The following NKAIN2 variants were observed in gnomAD, a reference collection of about 807,000 sequenced individuals.
NKAIN2 encodes sodium/potassium transporting ATPase interacting 2, also known as sodium/potassium-transporting ATPase subunit beta-1-interacting protein 2.
NKAIN2 carries 14 observed loss-of-function variants against 32.6 expected under a neutral mutation model. That is an observed-to-expected ratio of 0.43 (90% CI 0.28 to 0.67). NKAIN2 has a LOEUF of 0.67. NKAIN2 is among the 30% of genes least tolerant of loss of function. The pLI is 0.17. For synonymous variants in NKAIN2, 80 were observed against 87.2 expected, an observed-to-expected ratio of 0.92 and a Z score of 0.46; for missense variants, 198 against 258.3, an observed-to-expected ratio of 0.77 and a Z score of 1.60.
intron 2 of NKAIN2, among the ~76,000 whole-genome samples, chr6:124,289,227 C>G (rs1795693243): frequency 6.6e-6 from 1 of 152,198 alleles, no homozygotes; most frequent in South Asian, 2.1e-4. Flanking sequence ...CACTGAACTT[C>G]TGTTCACCAA....
chr6:124,371,766 G>T (rs558118551), intron 3 of NKAIN2, among the ~76,000 whole-genome samples: 1 of 150,532 alleles, frequency 6.6e-6, no homozygotes, highest in Non-Finnish European at 1.5e-5. Context: ...TTGTGTTAGA[G>T]TTTTCTTTTA....
intron 4 of NKAIN2, among the ~76,000 whole-genome samples, chr6:124,759,098 C>T (rs180776666): frequency 6.6e-6 from 1 of 152,212 alleles, no homozygotes; most frequent in African/African-American, 2.4e-5. Flanking sequence ...ATTGGGCATG[C>T]CCCTAGCATT....
At chr6:124,074,189 A>G (rs1347244747) in intron 1 of NKAIN2, among the ~76,000 whole-genome samples, 1 of 152,188 alleles carries the variant, frequency 6.6e-6, no homozygotes, top group Non-Finnish European at 1.5e-5. Context: ...GTTGCCCACC[A>G]GGAAAGCTCA....
chr6:124,484,731 G>A (rs879937550), intron 3 of NKAIN2, among the ~76,000 whole-genome samples: 1 of 152,040 alleles, frequency 6.6e-6, no homozygotes, highest in Admixed American at 6.6e-5. Flanking sequence ...TTTTTCATAG[G>A]CAAGAGAATA....
At chr6:124,821,299 A>G (rs919927564) in intron 6 of NKAIN2, among the ~76,000 whole-genome samples, 5 of 151,910 alleles carry the variant, frequency 3.3e-5, no homozygotes, top group Non-Finnish European at 5.9e-5. Flanking sequence ...TGTCTCAAAA[A>G]AAAAAAAAAA....
At chr6:123,942,598 A>C (rs73773020) in intron 1 of NKAIN2, among the ~76,000 whole-genome samples, 2 of 152,064 alleles carry the variant, frequency 1.3e-5, no homozygotes, top group African/African-American at 4.8e-5. Flanking sequence ...ATTTACCTTC[A>C]TTTAGACTAT....
At chr6:124,302,336 A>G (rs1796323293) in intron 2 of NKAIN2, among the ~76,000 whole-genome samples, 1 of 152,246 alleles carries the variant, frequency 6.6e-6, no homozygotes, top group African/African-American at 2.4e-5. Context: ...CTAATAGAGT[A>G]ATCTGATTCT....
chr6:124,820,134 C>A (rs908628376), intron 6 of NKAIN2, among the ~76,000 whole-genome samples: 2 of 152,152 alleles, frequency 1.3e-5, no homozygotes, highest in Admixed American at 6.5e-5. Context: ...TTCCCTATCC[C>A]CCCAGAAAGA....
intron 1 of NKAIN2, among the ~76,000 whole-genome samples, chr6:124,136,798 A>G (rs1786815122): frequency 6.6e-6 from 1 of 152,168 alleles, no homozygotes; most frequent in South Asian, 2.1e-4. Context: ...ATTTGACAAA[A>G]TCCAGCATCT....
intron 3 of NKAIN2, among the ~76,000 whole-genome samples, chr6:124,620,689 A>G (rs762349923): frequency 7.2e-5 from 11 of 152,184 alleles, no homozygotes; most frequent in Non-Finnish European, 1.5e-4. Context: ...TCTCATATGG[A>G]ACACTAAGCT....
chr6:124,362,758 C>T lies in NKAIN2; in HGVS notation c.273+7411C>T, dbSNP rs117051496. Among the ~76,000 whole-genome samples, 136 of 152,116 alleles carry T rather than the reference C, an allele frequency of 8.9e-4. 1 individual carries two copies. In the East Asian group the frequency reaches 0.023, roughly 25 times the overall value. ...CAAAGAATCCAACTTCTTTAATTCA[C>T]TTTCTACTAAGAGAAGAAAAAAGAG... On this transcript the variant is annotated intron_variant, in intron 3 of 6. Transcript: ENST00000368417.
At chr6:124,527,894 G>A (rs1187728118) in intron 3 of NKAIN2, among the ~76,000 whole-genome samples, 1 of 152,186 alleles carries the variant, frequency 6.6e-6, no homozygotes, top group Admixed American at 6.5e-5. Flanking sequence ...GCAAATATAA[G>A]AAGTCTAGTT....
chr6:124,566,355 CTCTG>C (rs1424440627), intron 3 of NKAIN2, among the ~76,000 whole-genome samples: 2 of 152,150 alleles, frequency 1.3e-5, no homozygotes, highest in Non-Finnish European at 2.9e-5. Flanking sequence ...TTGTTTGTAT[CTCTG>C]TCTCTCTAGT....
intron 1 of NKAIN2, among the ~76,000 whole-genome samples, chr6:124,018,751 C>T (rs979767064): frequency 6.6e-6 from 1 of 152,122 alleles, no homozygotes; most frequent in African/African-American, 2.4e-5. Flanking sequence ...TAGAAAGTTC[C>T]AAACTTTCCC....
intron 3 of NKAIN2, among the ~76,000 whole-genome samples, chr6:124,465,093 A>G (rs963840666): frequency 2.6e-5 from 4 of 152,108 alleles, no homozygotes; most frequent in African/African-American, 9.7e-5. Context: ...CATCCCTTAT[A>G]AACAGAAATA....
intron 3 of NKAIN2, among the ~76,000 whole-genome samples, chr6:124,522,897 A>G (rs1779167688): frequency 6.6e-6 from 1 of 151,874 alleles, no homozygotes; most frequent in Admixed American, 6.6e-5. Flanking sequence ...TAATCCCAGC[A>G]CTTTGGGAGG....
At chr6:124,095,372 G>A (rs1047093626) in intron 1 of NKAIN2, among the ~76,000 whole-genome samples, 18 of 152,110 alleles carry the variant, frequency 1.2e-4, no homozygotes, top group African/African-American at 4.3e-4. Flanking sequence ...ATCTTGTGAT[G>A]CATTCTGAAT....
chr6:124,538,250 G>C (rs925924277), intron 3 of NKAIN2, among the ~76,000 whole-genome samples: 1 of 150,332 alleles, frequency 6.7e-6, no homozygotes, highest in African/African-American at 2.4e-5. Context: ...TATTTTTTTT[G>C]GTAAGTATCT....
chr6:124,026,358 G>A (rs763588170), intron 1 of NKAIN2, among the ~76,000 whole-genome samples: 2 of 146,952 alleles, frequency 1.4e-5, no homozygotes, highest in Non-Finnish European at 3.0e-5. Flanking sequence ...AACCAAATTA[G>A]TGAATTGCAG....
Sources: allele counts gnomAD v4.1 joint callset (sites outside exome capture counted in the v4.1 genomes callset), GRCh38; gene constraint gnomAD v4.1.1; transcripts MANE v1.5; gene names NCBI Gene and HGNC (gene_info 2026-07-23, HGNC 2026-07-21).